Variants in CNTNAP2 observed in about 807,000 individuals in gnomAD.
CNTNAP2 encodes contactin-associated protein-like 2.
CNTNAP2 carries 98 observed loss-of-function variants against 155.2 expected under a neutral mutation model. That is an observed-to-expected ratio of 0.63 (90% CI 0.54 to 0.75). The LOEUF is 0.75. Among genes scored for constraint, CNTNAP2 ranks in the 30% least tolerant of loss-of-function variants. CNTNAP2 has a pLI of 0.00. For synonymous variants in CNTNAP2, 651 were observed against 631.2 expected, an observed-to-expected ratio of 1.03 and a Z score of -0.47; for missense variants, 1,727 against 1,688.1, an observed-to-expected ratio of 1.02 and a Z score of -0.40.
At chr7:146,460,059 C>T (rs541331002) in intron 1 of CNTNAP2, among the ~76,000 whole-genome samples, 40 of 152,162 alleles carry the variant, frequency 2.6e-4, no homozygotes, top group Admixed American at 6.5e-5. Context: ...AACAAAATGG[C>T]GGCCAAGCTT....
chr7:147,729,110 A>G (rs1431517418), intron 13 of CNTNAP2, among the ~76,000 whole-genome samples: 1 of 151,430 alleles, frequency 6.6e-6, no homozygotes, highest in Non-Finnish European at 1.5e-5. Flanking sequence ...TATTTTGTTC[A>G]TTTTTTGTAG....
rs573245349 is a variant in CNTNAP2 at position 147,148,139 on chromosome 7, C to T, written c.1348+15630C>T. Among the ~76,000 whole-genome samples, 9 of 151,738 alleles carry T rather than the reference C, an allele frequency of 5.9e-5. 1 individual carries two copies. The South Asian group carries it at 1.9e-3, about 32-fold the overall frequency. On this transcript the variant is annotated intron_variant, in intron 8 of 23. Transcript: ENST00000361727. ...GGCGCGGTGGCTCACGCCTGTAATC[C>T]CAGCACTTTGGGAGGCCGAGGCGGG...
At chr7:147,028,373 G>C (rs1198559125) in intron 3 of CNTNAP2, among the ~76,000 whole-genome samples, 5 of 152,158 alleles carry the variant, frequency 3.3e-5, no homozygotes, top group Admixed American at 3.3e-4. Flanking sequence ...GAAGTGAGTT[G>C]GAAAGGTGAG....
intron 3 of CNTNAP2, among the ~76,000 whole-genome samples, chr7:146,946,093 CCTTT>C (rs1006677730): frequency 6.7e-6 from 1 of 150,100 alleles, no homozygotes; most frequent in African/African-American, 2.5e-5. Context: ...TTCCTTCCTT[CCTTT>C]CCTTCTTTCC....
At chr7:147,689,592 T>TTA (rs1222374076) in intron 13 of CNTNAP2, among the ~76,000 whole-genome samples, 1 of 152,208 alleles carries the variant, frequency 6.6e-6, no homozygotes, top group Non-Finnish European at 1.5e-5. Context: ...TGTTATTGCG[T>TTA]TATTATATAC....
chr7:148,221,359 G>A (rs956766708), intron 19 of CNTNAP2, among the ~76,000 whole-genome samples: 2 of 152,106 alleles, frequency 1.3e-5, no homozygotes, highest in Admixed American at 1.3e-4. Context: ...ACACTCAGAG[G>A]ATGTTGGGCC....
intron 9 of CNTNAP2, among the ~76,000 whole-genome samples, chr7:147,360,061 T>C (rs2116893989): frequency 6.6e-6 from 1 of 152,286 alleles, no homozygotes; most frequent in South Asian, 2.1e-4. Flanking sequence ...ATATTAAAGA[T>C]AGGTGTTTCT....
intron 15 of CNTNAP2, among the ~76,000 whole-genome samples, chr7:148,097,465 T>G (rs879308931): frequency 1.3e-5 from 2 of 151,830 alleles, no homozygotes; most frequent in Non-Finnish European, 2.9e-5. Context: ...GTTTGTCACA[T>G]GATATCATTT....
chr7:147,621,172 C>A (rs1180511672), intron 12 of CNTNAP2, among the ~76,000 whole-genome samples: 1 of 152,016 alleles, frequency 6.6e-6, no homozygotes, highest in Non-Finnish European at 1.5e-5. Flanking sequence ...AAAGACTTTT[C>A]TAGACAAACA....
chr7:146,622,131 A>ATATATATACACACACG (rs1799328636), intron 1 of CNTNAP2, among the ~76,000 whole-genome samples: 1 of 23,386 alleles, frequency 4.3e-5, no homozygotes, highest in Non-Finnish European at 1.0e-4. Context: ...ATGTATGTGT[A>ATATATATACACACACG]TATATATATA....
At chr7:146,811,776 G>T (rs972261061) in intron 2 of CNTNAP2, among the ~76,000 whole-genome samples, 14 of 152,014 alleles carry the variant, frequency 9.2e-5, no homozygotes, top group African/African-American at 3.1e-4. Context: ...TTCAATTTTG[G>T]GGGTGGTTAC....
At chr7:146,932,465 C>G (rs1205520181) in intron 3 of CNTNAP2, among the ~76,000 whole-genome samples, 1 of 152,044 alleles carries the variant, frequency 6.6e-6, no homozygotes, top group Non-Finnish European at 1.5e-5. Flanking sequence ...CTATGACAAA[C>G]CCACAGCCAA....
chr7:146,846,653 C>A (rs990768934), intron 3 of CNTNAP2, among the ~76,000 whole-genome samples: 13 of 152,050 alleles, frequency 8.5e-5, no homozygotes, highest in Non-Finnish European at 1.5e-4. Flanking sequence ...TTTCTTGGGA[C>A]AATTTCTGAG....
At chr7:148,112,505 C>T (rs1308551084) in intron 15 of CNTNAP2, among the ~76,000 whole-genome samples, 1 of 151,836 alleles carries the variant, frequency 6.6e-6, no homozygotes, top group East Asian at 1.9e-4. Context: ...ACTGCAACCT[C>T]GAACTCCTGA....
At chr7:147,739,934 C>T (rs1429807617) in intron 13 of CNTNAP2, among the ~76,000 whole-genome samples, 2 of 152,160 alleles carry the variant, frequency 1.3e-5, no homozygotes, top group Admixed American at 6.5e-5. Context: ...TGTGTTGACT[C>T]AATCTACCAC....
At chr7:147,339,184 G>A (rs1795714026) in intron 9 of CNTNAP2, among the ~76,000 whole-genome samples, 1 of 138,588 alleles carries the variant, frequency 7.2e-6, no homozygotes, top group South Asian at 2.2e-4. Flanking sequence ...TGGTTTGGAT[G>A]TGATTTGCTT....
chr7:146,556,151 T>C (rs1350587590), intron 1 of CNTNAP2, among the ~76,000 whole-genome samples: 5 of 151,992 alleles, frequency 3.3e-5, no homozygotes. Context: ...TTCTATTGTA[T>C]AATGTCAGTC....
intron 1 of CNTNAP2, among the ~76,000 whole-genome samples, chr7:146,475,286 G>T (rs1242754331): frequency 6.6e-6 from 1 of 152,158 alleles, no homozygotes; most frequent in African/African-American, 2.4e-5. Context: ...AAACTTCATG[G>T]AAGAGATGGG....
intron 1 of CNTNAP2, among the ~76,000 whole-genome samples, chr7:146,380,762 TTTCTTGC>T (rs1230064564): frequency 6.8e-6 from 1 of 146,602 alleles, no homozygotes; most frequent in Non-Finnish European, 1.5e-5. Context: ...AAAAAAAATA[TTTCTTGC>T]TTCTTATGCA....
Sources: gnomAD v4.1 joint callset for allele counts (sites outside exome capture counted in the v4.1 genomes callset) on GRCh38, gnomAD v4.1.1 for gene constraint, MANE v1.5 for transcripts, NCBI Gene and HGNC (gene_info 2026-07-23, HGNC 2026-07-21) for gene names.